DYM: variants seen among roughly 807,000 people sequenced by gnomAD.
DYM encodes the protein dyggve-Melchior-Clausen syndrome protein.
Under a neutral mutation model 93.1 loss-of-function variants are expected in DYM, and 78 were observed. That is an observed-to-expected ratio of 0.84 (90% CI 0.70 to 1.01). The LOEUF is 1.01. Among genes scored for constraint, DYM ranks in the 50% least tolerant of loss-of-function variants. DYM has a pLI of 0.00. For missense variants in DYM, 789 were observed against 845.0 expected (o/e 0.93, Z 0.82); for synonymous variants, 321 against 319.7 (o/e 1.00, Z -0.04).
chr18:49,210,681 A>G (rs1369830587), intron 13 of DYM, among the ~76,000 whole-genome samples: 1 of 152,226 alleles, frequency 6.6e-6, no homozygotes, highest in Non-Finnish European at 1.5e-5. Flanking sequence ...ACCCTAATGT[A>G]AACTATGTAG....
At chr18:49,284,786 C>T (rs1397581853) in intron 9 of DYM, among the ~76,000 whole-genome samples, 2 of 152,128 alleles carry the variant, frequency 1.3e-5, no homozygotes, top group Non-Finnish European at 2.9e-5. Context: ...CTAACAGATA[C>T]ACCAGTTTTC....
At chr18:49,345,526 C>T (rs771704978) in intron 6 of DYM, among the ~76,000 whole-genome samples, 36 of 151,990 alleles carry the variant, frequency 2.4e-4, no homozygotes, top group Non-Finnish European at 4.4e-4. Context: ...ACACGCAGTC[C>T]CTAAGGTAGG....
At chr18:49,403,460 T>G (rs2071083048) in intron 2 of DYM, among the ~76,000 whole-genome samples, 1 of 152,248 alleles carries the variant, frequency 6.6e-6, no homozygotes, top group African/African-American at 2.4e-5. Context: ...TGATTTCATT[T>G]GATACAGCCA....
chr18:49,233,414 C>T (rs1395980030), intron 13 of DYM, among the ~76,000 whole-genome samples: 1 of 148,874 alleles, frequency 6.7e-6, no homozygotes, highest in Non-Finnish European at 1.5e-5. Flanking sequence ...AAAAAAAAAG[C>T]ATCCATTTTT....
chr18:49,215,155 A>C (rs1215425291), intron 13 of DYM, among the ~76,000 whole-genome samples: 1 of 152,258 alleles, frequency 6.6e-6, no homozygotes, highest in Non-Finnish European at 1.5e-5. Flanking sequence ...CATGGAATTC[A>C]GTACACAAAG....
intron 2 of DYM, among the ~76,000 whole-genome samples, chr18:49,405,477 G>A (rs1321177301): frequency 6.6e-6 from 1 of 152,132 alleles, no homozygotes; most frequent in Non-Finnish European, 1.5e-5. Flanking sequence ...AGCTATTCCA[G>A]AACCATTTAT....
intron 6 of DYM, among the ~76,000 whole-genome samples, chr18:49,346,480 A>G (rs997204502): frequency 2.6e-5 from 4 of 152,184 alleles, no homozygotes; most frequent in Non-Finnish European, 5.9e-5. Flanking sequence ...GGGATAAATG[A>G]GGCCTGAAGT....
intron 17 of DYM, among the ~76,000 whole-genome samples, chr18:49,091,500 A>G (rs1019928686): frequency 1.4e-4 from 22 of 152,116 alleles, no homozygotes; most frequent in African/African-American, 5.3e-4. Flanking sequence ...GCAAGGCTCT[A>G]CGAGTGGAGA....
intron 17 of DYM, among the ~76,000 whole-genome samples, chr18:49,066,077 A>G (rs886873712): frequency 6.6e-6 from 1 of 151,966 alleles, no homozygotes; most frequent in African/African-American, 2.4e-5. Flanking sequence ...AAAGTTCCCA[A>G]GTGTAAAAGT....
At chr18:49,183,722 A>C (rs140388356) in intron 14 of DYM, among the ~76,000 whole-genome samples, 2 of 152,290 alleles carry the variant, frequency 1.3e-5, no homozygotes, top group African/African-American at 4.8e-5. Flanking sequence ...ATAATTTGGG[A>C]TGCACAGTGT....
intron 2 of DYM, among the ~76,000 whole-genome samples, chr18:49,400,441 T>C (rs181110765): frequency 6.6e-6 from 1 of 152,104 alleles, no homozygotes; most frequent in African/African-American, 2.4e-5. Flanking sequence ...CGTTCAACAA[T>C]CAACACTTTA....
At chr18:49,375,226 AC>A (rs2067385498) in intron 5 of DYM, among the ~76,000 whole-genome samples, 1 of 149,702 alleles carries the variant, frequency 6.7e-6, no homozygotes, top group Non-Finnish European at 1.5e-5. Flanking sequence ...ACACACACAC[AC>A]ACATCTATAC....
chr18:49,365,956 T>G (rs1011253899), intron 5 of DYM, among the ~76,000 whole-genome samples: 4 of 152,156 alleles, frequency 2.6e-5, no homozygotes, highest in East Asian at 1.9e-4. Context: ...GTTACCAATC[T>G]AATAAAATAA....
rs964822204 is a variant in DYM, at chr18:49,040,293, G to A, written c.*3762C>T. ...GGATTTTGCTAATGCCAGAGGCTGT[G>A]TCTGAGTAGCTGACATTTAGACAGC... On this transcript the variant is annotated 3_prime_UTR_variant, in exon 18 of 18. Coordinates refer to ENST00000675505, the MANE Select transcript of DYM (RefSeq NM_001353214.3). 6.6e-6 allele frequency among the ~76,000 whole-genome samples: 1 copy of A among 152,206 alleles called. No homozygotes were observed. Among genetic ancestry groups the A allele is most frequent in the African/African-American group, 2.4e-5 (1 of 41,456 alleles).
intron 8 of DYM, chr18:49,329,442 A>T (rs1324260071): frequency 2.6e-5 from 4 of 152,234 alleles, no homozygotes; most frequent in African/African-American, 9.6e-5. Context: ...TTAAAAAAAG[A>T]AGAAAGCAAA....
intron 3 of DYM, among the ~76,000 whole-genome samples, chr18:49,385,047 A>T (rs1283510135): frequency 1.3e-5 from 2 of 152,072 alleles, no homozygotes; most frequent in African/African-American, 4.8e-5. Context: ...CAAGGGTTAA[A>T]GGAAAAAGTC....
At chr18:49,300,086 AAT>A (rs886212991) in intron 8 of DYM, among the ~76,000 whole-genome samples, 11 of 136,426 alleles carry the variant, frequency 8.1e-5, no homozygotes, top group African/African-American at 1.6e-4. Context: ...TATATATATA[AAT>A]ATATATATAA....
chr18:49,373,501 C>A (rs959878377), intron 5 of DYM, among the ~76,000 whole-genome samples: 2 of 152,098 alleles, frequency 1.3e-5, no homozygotes, highest in African/African-American at 4.8e-5. Context: ...AGGTCACTCT[C>A]GTGGCCATTT....
At chr18:49,340,254 C>T (rs181687839) in intron 6 of DYM, among the ~76,000 whole-genome samples, 30 of 151,660 alleles carry the variant, frequency 2.0e-4, no homozygotes, top group African/African-American at 7.2e-4. Flanking sequence ...ACCCGGCCCA[C>T]GTGGAGAAGT....
Sources: allele counts gnomAD v4.1 joint callset (sites outside exome capture counted in the v4.1 genomes callset), GRCh38; gene constraint gnomAD v4.1.1; transcripts MANE v1.5; gene names NCBI Gene and HGNC (gene_info 2026-07-23, HGNC 2026-07-21).